BCR: variants seen among roughly 807,000 people sequenced by gnomAD.
BCR encodes BCR activator of RhoGEF and GTPase, also known as breakpoint cluster region protein.
A neutral mutation model predicts 138.6 loss-of-function variants in BCR; 58 were observed. The observed-to-expected ratio is 0.42, with a 90% confidence interval of 0.34 to 0.52. The LOEUF is 0.52. Among genes scored for constraint, BCR ranks in the 20% least tolerant of loss-of-function variants. BCR has a pLI of 0.06. For synonymous variants in BCR, 786 were observed against 730.1 expected (o/e 1.08, Z -1.23); for missense variants, 1,599 against 1,727.2 (o/e 0.93, Z 1.32).
Position 23,315,624 on chromosome 22 carries a change from C to T in BCR, c.*102C>T, listed in dbSNP as rs945626025. The T allele has an allele frequency of 5.1e-5, 57 of 1,108,328 alleles. No homozygotes were observed. In the African/African-American group the frequency reaches 7.7e-4, roughly 15 times the overall value. The allele number at this position is 1,108,328 out of a possible 1,614,324, so 68.7% of individuals were successfully genotyped here. A position where few individuals can be genotyped will look rare whatever the true frequency, so the allele number is the denominator to read the frequency against. ...ACCTTCCTGAGGTGTCCTTGGGCCA[C>T]CCCCAAGTGTTGGGCCATCTGCCAA... is the stretch of plus-strand genomic sequence containing the variant. On this transcript the variant is annotated 3_prime_UTR_variant, in exon 23 of 23. Coordinates refer to ENST00000305877, the MANE Select transcript of BCR (RefSeq NM_004327.4).
At chr22:23,278,692 A>G (rs1000675501) in intron 8 of BCR, among the ~76,000 whole-genome samples, 1 of 152,078 alleles carries the variant, frequency 6.6e-6, no homozygotes, top group Admixed American at 6.6e-5. Context: ...ACGCCATTGC[A>G]CTCTGCACTC....
Position 23,261,644 on chromosome 22 carries a change from C to G in BCR, c.1752+104C>G, listed in dbSNP as rs1041950771. ...ACAGGGTTTTGCTATGTTGGCCAGG[C>G]TGGTCTCAAACTCCTAACCTCAAGT... is the stretch of plus-strand genomic sequence containing the variant. On this transcript the variant is annotated intron_variant, in intron 4 of 22. Coordinates refer to ENST00000305877, the MANE Select transcript of BCR (RefSeq NM_004327.4). 4 of 1,307,600 alleles carry G rather than the reference C, an allele frequency of 3.1e-6. No individual in the cohort carries two copies. In the African/African-American group the frequency reaches 5.9e-5, roughly 19 times the overall value. 81.0% of individuals were successfully genotyped at this position (1,307,600 alleles called of 1,614,324 possible).
intron 16 of BCR, among the ~76,000 whole-genome samples, chr22:23,308,562 C>G (rs2073973092): frequency 6.6e-6 from 1 of 152,208 alleles, no homozygotes; most frequent in Admixed American, 6.5e-5. Flanking sequence ...ACCTCAGCCT[C>G]TCAAAGTGCT....
chr22:23,241,778 C>G (rs2073095603), intron 1 of BCR, among the ~76,000 whole-genome samples: 1 of 152,174 alleles, frequency 6.6e-6, no homozygotes, highest in African/African-American at 2.4e-5. Flanking sequence ...CCCAGCCCTG[C>G]CCCACCTCCA....
At chr22:23,188,385 T>G (rs1015933828) in intron 1 of BCR, among the ~76,000 whole-genome samples, 2 of 152,216 alleles carry the variant, frequency 1.3e-5, no homozygotes, top group Non-Finnish European at 2.9e-5. Context: ...TTTTGCTTAG[T>G]TTGTTGCTTC....
At chr22:23,284,955 C>G (rs1051343390) in intron 9 of BCR, 78 bp from the exon 10 acceptor site, 2 of 1,498,870 alleles carry the variant, frequency 1.3e-6, no homozygotes, top group African/African-American at 1.4e-5. Flanking sequence ...AACACTGGCT[C>G]TTGGGCTCTT....
At chr22:23,222,289 T>C (rs905979761) in intron 1 of BCR, among the ~76,000 whole-genome samples, 2 of 152,160 alleles carry the variant, frequency 1.3e-5, no homozygotes, top group Non-Finnish European at 2.9e-5. Flanking sequence ...CACACCTGCC[T>C]GGCGCGTCTT....
At chr22:23,309,382 C>T (rs1309724628) in intron 16 of BCR, 42 bp from the exon 17 acceptor site, 1 of 1,480,278 alleles carries the variant, frequency 6.8e-7, no homozygotes, top group East Asian at 2.4e-5. Flanking sequence ...GGCCTCTGAA[C>T]AGACCCCAGG....
chr22:23,291,729 C>T (rs2073789771), intron 14 of BCR, among the ~76,000 whole-genome samples: 1 of 152,148 alleles, frequency 6.6e-6, no homozygotes, highest in Admixed American at 6.5e-5. Flanking sequence ...ATGTCCTGTC[C>T]CTTTGAGGGG....
chr22:23,198,886 G>T (rs955426321), intron 1 of BCR, among the ~76,000 whole-genome samples: 2 of 152,074 alleles, frequency 1.3e-5, no homozygotes, highest in African/African-American at 4.8e-5. Context: ...TTGGGAGGCC[G>T]AGGCTGGTGT....
intron 16 of BCR, among the ~76,000 whole-genome samples, chr22:23,301,443 G>A (rs2073901161): frequency 1.3e-5 from 2 of 152,248 alleles, no homozygotes; most frequent in African/African-American, 4.8e-5. Flanking sequence ...CCCCGTCCCT[G>A]TTGCGCTGCA....
chr22:23,303,361 C>T (rs927033572), intron 16 of BCR, among the ~76,000 whole-genome samples: 20 of 152,064 alleles, frequency 1.3e-4, no homozygotes, highest in African/African-American at 4.1e-4. Context: ...AGGCGGATAC[C>T]GTCATGAAGG....
intron 5 of BCR, among the ~76,000 whole-genome samples, chr22:23,268,954 G>A (rs917441332): frequency 2.0e-5 from 3 of 152,250 alleles, no homozygotes; most frequent in South Asian, 2.1e-4. Flanking sequence ...GGCTAGCGCC[G>A]TGGGGCGAGG....
chr22:23,316,037 G>A lies in BCR; in HGVS notation c.*515G>A, dbSNP rs775592613. ...GAAACCACACTCCACTTCTAACAGG[G>A]TTTGAGAGGCTTAGTCAGCACTGGG... On this transcript the variant is annotated 3_prime_UTR_variant, in exon 23 of 23. Transcript: ENST00000305877. 206 of 211,950 alleles carry A rather than the reference G, an allele frequency of 9.7e-4. 15 individuals are homozygous for A. The highest frequency in any genetic ancestry group is 1.4e-3 in the Non-Finnish European group (163 of 115,240). 13.1% of individuals were successfully genotyped at this position (211,950 alleles called of 1,614,324 possible).
chr22:23,280,938 G>T (rs1377209041), intron 8 of BCR, among the ~76,000 whole-genome samples: 1 of 152,154 alleles, frequency 6.6e-6, no homozygotes, highest in Admixed American at 6.5e-5. Context: ...GGCCTGACAC[G>T]CACAGGACAT....
intron 1 of BCR, among the ~76,000 whole-genome samples, chr22:23,231,453 G>C (rs560280676): frequency 2.6e-5 from 4 of 151,696 alleles, no homozygotes; most frequent in Non-Finnish European, 5.9e-5. Flanking sequence ...GCAATGGTGA[G>C]CCATGTTCAT....
chr22:23,292,528 C>T lies in BCR; in HGVS notation c.2783-13C>T. The T allele has an allele frequency of 3.7e-6, 6 of 1,604,032 alleles. No individual in the cohort carries two copies. The South Asian group carries it at 5.5e-5, about 15-fold the overall frequency. On this transcript the variant is annotated splice_polypyrimidine_tract_variant and intron_variant, in intron 14 of 22. Transcript: ENST00000305877. ...AGACCTGTGACCTTCTCCATGTCCACTTCTCCCCACAGATCTGTACTGCAC... is the reference window on the plus strand; with the variant it reads ...AGACCTGTGACCTTCTCCATGTCCATTTCTCCCCACAGATCTGTACTGCAC...
intron 1 of BCR, among the ~76,000 whole-genome samples, chr22:23,204,052 G>C (rs185665638): frequency 6.6e-6 from 1 of 152,194 alleles, no homozygotes; most frequent in African/African-American, 2.4e-5. Flanking sequence ...GTGAGACCAC[G>C]TTTGGAGGGA....
At chr22:23,307,455 G>T (rs1368575474) in intron 16 of BCR, 1 of 151,456 alleles carries the variant, frequency 6.6e-6, no homozygotes, top group Non-Finnish European at 1.5e-5. Flanking sequence ...CACTCTGTCC[G>T]CATCCCTCAT....
Sources: allele counts gnomAD v4.1 joint callset (sites outside exome capture counted in the v4.1 genomes callset), GRCh38; gene constraint gnomAD v4.1.1; transcripts MANE v1.5; gene names NCBI Gene and HGNC (gene_info 2026-07-23, HGNC 2026-07-21).